ADAMTS18: variants seen among roughly 807,000 people sequenced by gnomAD.
ADAMTS18 encodes A disintegrin and metalloproteinase with thrombospondin motifs 18.
A neutral mutation model predicts 165.9 loss-of-function variants in ADAMTS18; 157 were observed. That is an observed-to-expected ratio of 0.95 (90% CI 0.83 to 1.08). The LOEUF is 1.08. Ranked by LOEUF, ADAMTS18 falls within the 50% of genes least tolerant of loss-of-function variation. The pLI is 0.00. For missense variants in ADAMTS18, 2,040 were observed against 1,534.0 expected, an observed-to-expected ratio of 1.33 and a Z score of -5.51; for synonymous variants, 782 against 578.2, an observed-to-expected ratio of 1.35 and a Z score of -5.06.
intron 11 of ADAMTS18, among the ~76,000 whole-genome samples, 154 bp from the exon 12 acceptor site, chr16:77,336,058 A>C (rs1382589233): frequency 6.6e-6 from 1 of 152,218 alleles, no homozygotes; most frequent in Non-Finnish European, 1.5e-5. Context: ...GTGCTCTAAA[A>C]ACACTCAACT....
At chr16:77,409,670 C>G (rs116900905) in intron 3 of ADAMTS18, among the ~76,000 whole-genome samples, 4 of 152,074 alleles carry the variant, frequency 2.6e-5, no homozygotes, top group African/African-American at 4.8e-5. Flanking sequence ...ACCACTCTGA[C>G]GGGTCTGCTT....
intron 11 of ADAMTS18, among the ~76,000 whole-genome samples, chr16:77,338,442 G>C (rs1278123994): frequency 6.6e-6 from 1 of 151,676 alleles, no homozygotes; most frequent in Admixed American, 6.6e-5. Context: ...TCACCATGTT[G>C]ACCAGTGTAG....
intron 7 of ADAMTS18, 44 bp from the exon 8 acceptor site, chr16:77,359,467 C>T: frequency 6.7e-7 from 1 of 1,492,716 alleles, no homozygotes; most frequent in Non-Finnish European, 9.3e-7. Context: ...AGGTTGCACA[C>T]ACAGATACAT....
chr16:77,293,283 T>C, intron 19 of ADAMTS18, 25 bp from the exon 20 acceptor site: 4 of 1,605,828 alleles, frequency 2.5e-6, no homozygotes, highest in Non-Finnish European at 3.4e-6. Flanking sequence ...AAAGTTCTAT[T>C]TGCATTCCCA....
At chr16:77,298,674 C>A (rs954118042) in intron 17 of ADAMTS18, among the ~76,000 whole-genome samples, 1 of 152,162 alleles carries the variant, frequency 6.6e-6, no homozygotes, top group African/African-American at 2.4e-5. Context: ...CACCTGCAGT[C>A]CAAGCTACTT....
chr16:77,331,217 G>T (rs1364465968), intron 12 of ADAMTS18, among the ~76,000 whole-genome samples: 1 of 152,142 alleles, frequency 6.6e-6, no homozygotes, highest in Non-Finnish European at 1.5e-5. Context: ...ACAGATATGA[G>T]AGAGGTTTTA....
At chr16:77,359,034 T>C (rs1263657937) in intron 8 of ADAMTS18, among the ~76,000 whole-genome samples, 1 of 152,212 alleles carries the variant, frequency 6.6e-6, no homozygotes, top group Admixed American at 6.5e-5. Context: ...AGTGTCTTCA[T>C]TGCTGCAAAA....
chr16:77,335,959 G>A lies in ADAMTS18; in HGVS notation c.1711-55C>T, dbSNP rs1423397112. The A allele has an allele frequency of 6.8e-6, 11 of 1,610,384 alleles. No homozygotes were observed. The East Asian group carries it at 2.5e-4, about 36-fold the overall frequency. On this transcript the variant is annotated intron_variant, in intron 11 of 22. Transcript: ENST00000282849. Reference sequence around the variant, plus strand: ...GTCAGAGACCACCTGGGAAAGCGCAGGGAGTTGCCAACACCTGCACAGTAA... The same window carrying A: ...GTCAGAGACCACCTGGGAAAGCGCAAGGAGTTGCCAACACCTGCACAGTAA...
intron 16 of ADAMTS18, among the ~76,000 whole-genome samples, chr16:77,311,071 G>C (rs1041115681): frequency 1.6e-4 from 25 of 151,962 alleles, no homozygotes; most frequent in Non-Finnish European, 2.6e-4. Flanking sequence ...CTAAGATATG[G>C]GAAGAATATG....
chr16:77,357,280 T>C (rs566417061), intron 8 of ADAMTS18, among the ~76,000 whole-genome samples: 31 of 152,262 alleles, frequency 2.0e-4, no homozygotes, highest in African/African-American at 7.0e-4. Flanking sequence ...CCAGCATTCC[T>C]TCCACTTTGT....
intron 3 of ADAMTS18, among the ~76,000 whole-genome samples, chr16:77,427,180 C>T (rs555567189): frequency 7.9e-5 from 12 of 152,258 alleles, no homozygotes; most frequent in African/African-American, 2.9e-4. Context: ...CTGTTGTAGA[C>T]AAAGGAATTC....
intron 4 of ADAMTS18, among the ~76,000 whole-genome samples, chr16:77,366,611 A>T (rs2144742359): frequency 6.6e-6 from 1 of 152,344 alleles, no homozygotes; most frequent in Non-Finnish European, 1.5e-5. Flanking sequence ...AAAATGTTTT[A>T]AATGTTTTAA....
At chr16:77,350,060 C>T (rs904567302) in intron 10 of ADAMTS18, among the ~76,000 whole-genome samples, 2 of 152,254 alleles carry the variant, frequency 1.3e-5, no homozygotes, top group South Asian at 2.1e-4. Context: ...TCTGTGACAG[C>T]GCTTGGGACC....
chr16:77,323,138 T>C (rs901060073), intron 13 of ADAMTS18, among the ~76,000 whole-genome samples: 1 of 152,104 alleles, frequency 6.6e-6, no homozygotes, highest in East Asian at 1.9e-4. Flanking sequence ...AAAAAAATTA[T>C]ATTTATAGAG....
chr16:77,333,626 T>C (rs2056227080), intron 12 of ADAMTS18, among the ~76,000 whole-genome samples: 1 of 151,432 alleles, frequency 6.6e-6, no homozygotes, highest in African/African-American at 2.4e-5. Flanking sequence ...AATCAGTGTA[T>C]AGAGATATCT....
chr16:77,322,218 GCTCCATGCCACCTGCTCTT>G (rs2056013387), intron 14 of ADAMTS18, 99 bp downstream of exon 14: 2 of 1,151,570 alleles, frequency 1.7e-6, no homozygotes, highest in Admixed American at 3.6e-5. Context: ...TTGCTCTTTC[GCTCCATGCCACCTGCTCTT>G]CTCCAGACAC....
chr16:77,376,680 T>C (rs976763145), intron 3 of ADAMTS18, among the ~76,000 whole-genome samples: 15 of 152,226 alleles, frequency 9.9e-5, no homozygotes, highest in Non-Finnish European at 2.2e-4. Flanking sequence ...AAAAATTAAA[T>C]TGATTCTGAC....
At chr16:77,431,246 T>C (rs747361105) in intron 3 of ADAMTS18, 49 bp downstream of exon 3, 4 of 1,605,546 alleles carry the variant, frequency 2.5e-6, no homozygotes, top group Admixed American at 1.7e-5. Context: ...TCATTCAAGT[T>C]ACACAAAACA....
At chr16:77,327,951 A>G (rs771859935) in intron 12 of ADAMTS18, among the ~76,000 whole-genome samples, 2 of 152,108 alleles carry the variant, frequency 1.3e-5, no homozygotes, top group Admixed American at 6.6e-5. Flanking sequence ...GTATAATATG[A>G]CTGTTGTGTG....
Sources: gnomAD v4.1 joint callset for allele counts (sites outside exome capture counted in the v4.1 genomes callset) on GRCh38, gnomAD v4.1.1 for gene constraint, MANE v1.5 for transcripts, NCBI Gene and HGNC (gene_info 2026-07-23, HGNC 2026-07-21) for gene names.